The following LRRC36 variants were observed in gnomAD, a reference collection of about 807,000 sequenced individuals.
LRRC36 encodes leucine rich repeat containing 36, also known as leucine-rich repeat-containing protein 36.
In LRRC36, 62 loss-of-function variants were observed where a neutral mutation model predicts 81.1. That is an observed-to-expected ratio of 0.76 (90% confidence interval 0.62 to 0.94). The LOEUF is 0.94. LRRC36 is among the 40% of genes least tolerant of loss of function. LRRC36 has a pLI of 0.00. For synonymous variants in LRRC36, 334 were observed against 348.6 expected, an observed-to-expected ratio of 0.96 and a Z score of 0.47; for missense variants, 761 against 881.7, an observed-to-expected ratio of 0.86 and a Z score of 1.73.
At chr16:67,382,771 C>G (rs1009733801) in intron 13 of LRRC36, among the ~76,000 whole-genome samples, 10 of 152,102 alleles carry the variant, frequency 6.6e-5, no homozygotes, top group Admixed American at 5.9e-4. Flanking sequence ...ATCACGAGGT[C>G]AAGAGATCGA....
intron 5 of LRRC36, among the ~76,000 whole-genome samples, chr16:67,358,166 G>GTTTT (rs35944413): frequency 7.3e-6 from 1 of 137,360 alleles, no homozygotes; most frequent in African/African-American, 2.6e-5. Context: ...CAAGGCATCA[G>GTTTT]TTTTTTTTTT....
At chr16:67,362,135 TACAG>T (rs1567487956) in intron 5 of LRRC36, 1 of 442,052 alleles carries the variant, frequency 2.3e-6, no homozygotes, top group Admixed American at 2.5e-5. Flanking sequence ...CAAAATAACA[TACAG>T]AGTGTTCTAA....
chr16:67,338,637 C>T (rs186422008), intron 1 of LRRC36, among the ~76,000 whole-genome samples: 3 of 152,112 alleles, frequency 2.0e-5, no homozygotes, highest in Admixed American at 2.0e-4. Context: ...ATCTTTTACC[C>T]ATGCATGATT....
intron 11 of LRRC36, 71 bp downstream of exon 11, chr16:67,376,943 A>G (rs989150850): frequency 6.7e-7 from 1 of 1,492,494 alleles, no homozygotes; most frequent in Non-Finnish European, 9.0e-7. Flanking sequence ...CTTAATGATC[A>G]GCATCACCGT....
In LRRC36 at chr16:67,351,698, C is replaced by T. The variant is rs1391065435; in HGVS notation, c.577+1408C>T. Among the ~76,000 whole-genome samples the T allele has an allele frequency of 2.6e-5, 4 of 152,132 alleles. No individual in the cohort carries two copies. In the South Asian group the frequency reaches 8.3e-4, roughly 31 times the overall value. On this transcript the variant is annotated intron_variant, in intron 5 of 13. Transcript: ENST00000329956. ...CTCTAGCCTGAGCGACAGAGTGAGA[C>T]TCTGTCTCAAAAAACAAACACACAA... is the stretch of plus-strand genomic sequence containing the variant.
intron 4 of LRRC36, 82 bp from the exon 5 acceptor site, chr16:67,350,120 T>C (rs1318800832): frequency 8.6e-6 from 8 of 933,270 alleles, no homozygotes; most frequent in East Asian, 2.4e-5. Flanking sequence ...CACCATAGAC[T>C]GCTTTCTAAA....
intron 1 of LRRC36, among the ~76,000 whole-genome samples, chr16:67,329,153 C>G (rs1463389659): frequency 1.3e-5 from 2 of 151,446 alleles, no homozygotes; most frequent in African/African-American, 4.9e-5. Context: ...AAGTGATCCA[C>G]CCACCTCAGC....
intron 4 of LRRC36, among the ~76,000 whole-genome samples, chr16:67,347,956 T>G (rs1471110592): frequency 2.0e-5 from 3 of 152,176 alleles, no homozygotes; most frequent in Non-Finnish European, 4.4e-5. Flanking sequence ...AGGATTACAT[T>G]ACCATGGGCA....
chr16:67,361,907 T>C (rs916234114), intron 5 of LRRC36, among the ~76,000 whole-genome samples: 1 of 152,106 alleles, frequency 6.6e-6, no homozygotes, highest in African/African-American at 2.4e-5. Flanking sequence ...CTATTTCCTT[T>C]ACTTTTAAAA....
chr16:67,351,774 A>G (rs867948534), intron 5 of LRRC36, among the ~76,000 whole-genome samples: 2 of 152,228 alleles, frequency 1.3e-5, no homozygotes, highest in Non-Finnish European at 2.9e-5. Flanking sequence ...ATGTCCCAGT[A>G]CATATAAATA....
intron 13 of LRRC36, among the ~76,000 whole-genome samples, chr16:67,384,093 G>A (rs978589172): frequency 8.6e-5 from 13 of 152,044 alleles, no homozygotes; most frequent in African/African-American, 2.9e-4. Flanking sequence ...GAATAGTATC[G>A]TGCATACATT....
chr16:67,336,934 A>G (rs1044678054), intron 1 of LRRC36, among the ~76,000 whole-genome samples: 1 of 151,152 alleles, frequency 6.6e-6, no homozygotes, highest in African/African-American at 2.4e-5. Flanking sequence ...CACCCGGCTA[A>G]TTTTTTTAAT....
At chr16:67,363,796 A>G (rs2039268339) in intron 6 of LRRC36, 82 bp downstream of exon 6, 3 of 1,493,350 alleles carry the variant, frequency 2.0e-6, no homozygotes, top group Non-Finnish European at 2.8e-6. Flanking sequence ...ATTATTTATG[A>G]AGGTCTCAGA....
At chr16:67,363,545 T>A in intron 5 of LRRC36, 45 bp from the exon 6 acceptor site, 1 of 1,605,894 alleles carries the variant, frequency 6.2e-7, no homozygotes. Context: ...GCCTTTGAAG[T>A]CTGGTCAGTG....
At chr16:67,376,912 G>A in intron 11 of LRRC36, 40 bp downstream of exon 11, 1 of 1,568,456 alleles carries the variant, frequency 6.4e-7, no homozygotes, top group Non-Finnish European at 8.7e-7. Flanking sequence ...GGACAGAGCA[G>A]CAGAACTACA....
intron 1 of LRRC36, among the ~76,000 whole-genome samples, chr16:67,335,732 ATCT>A (rs2037727267): frequency 1.3e-5 from 2 of 149,156 alleles, no homozygotes; most frequent in African/African-American, 4.9e-5. Flanking sequence ...ACAACCACTG[ATCT>A]TTTTTTTTTT....
rs1377396381 is a variant in LRRC36 at position 67,382,158 on chromosome 16, G to A, written c.1956G>A (p.Gln652=). 6.2e-7 allele frequency: 1 copy of A among 1,614,080 alleles called. No individual in the cohort carries two copies. Among genetic ancestry groups the A allele is most frequent in the South Asian group, 1.1e-5 (1 of 91,076 alleles). ...ATGATCTTCTGCACAAAAACCAACA[G>A]CTGACCATGCAGGTGGCTTGCCTGA... is the stretch of plus-strand genomic sequence containing the variant. ...TYDDLLHKNQ[Q]LTMQVACLNQ... Residue 652 remains glutamine (Q), a synonymous_variant, in exon 13 of 14, where the codon CAG becomes CAA. Transcript: ENST00000329956.
At chr16:67,355,535 C>T (rs1408353198) in intron 5 of LRRC36, among the ~76,000 whole-genome samples, 1 of 151,484 alleles carries the variant, frequency 6.6e-6, no homozygotes, top group African/African-American at 2.4e-5. Context: ...CCACTACGCC[C>T]GGCTAATTTT....
At chr16:67,328,346 C>A (rs1488855342) in intron 1 of LRRC36, among the ~76,000 whole-genome samples, 1 of 151,978 alleles carries the variant, frequency 6.6e-6, no homozygotes, top group Non-Finnish European at 1.5e-5. Flanking sequence ...CCCGTCTCTA[C>A]TAAAAATACA....
Sources: allele counts gnomAD v4.1 joint callset (sites outside exome capture counted in the v4.1 genomes callset), GRCh38; gene constraint gnomAD v4.1.1; transcripts MANE v1.5; gene names NCBI Gene and HGNC (gene_info 2026-07-23, HGNC 2026-07-21).